The following ZNF620 variants were observed in gnomAD, a reference collection of about 807,000 sequenced individuals.
ZNF620 encodes the protein zinc finger protein 620.
ZNF620 carries 10 observed loss-of-function variants against 13.3 expected under a neutral mutation model. That is an observed-to-expected ratio of 0.75 (90% CI 0.46 to 1.28). The LOEUF is 1.28. ZNF620 is among the 50% of genes most tolerant of loss of function. The probability of loss-of-function intolerance (pLI) is 0.00; values close to 1 mark genes in which losing one functional copy is unlikely to be tolerated. For synonymous variants in ZNF620, 166 were observed against 177.6 expected (o/e 0.93, Z 0.52); for missense variants, 461 against 500.2 (o/e 0.92, Z 0.75).
chr3:40,514,179 C>T (rs532355909), intron 4 of ZNF620, among the ~76,000 whole-genome samples: 7 of 152,296 alleles, frequency 4.6e-5, no homozygotes, highest in African/African-American at 7.2e-5. Flanking sequence ...TCAGTGGTCA[C>T]GCTCCTGGTC....
chr3:40,513,267 C>T (rs1416169670), intron 4 of ZNF620, among the ~76,000 whole-genome samples: 2 of 139,826 alleles, frequency 1.4e-5, no homozygotes, highest in Admixed American at 1.5e-4. Context: ...GAGTTCAAGA[C>T]CAGCTTGGCC....
At position 40,506,114 on chromosome 3, in the gene ZNF620, C is replaced by A; in HGVS notation, c.-74C>A. ...CCTGCGCCGCGCGGGATTCGCGGTC[C>A]GAGCTGAAGAGGTTCGCGGTCCGGG... On this transcript the variant is annotated 5_prime_UTR_variant, in exon 1 of 5. Coordinates refer to ENST00000314529, the MANE Select transcript of ZNF620 (RefSeq NM_175888.4). 2 of 591,384 alleles carry A rather than the reference C, an allele frequency of 3.4e-6. No homozygotes were observed. Among genetic ancestry groups the A allele is most frequent in the Admixed American group, 5.8e-5 (2 of 34,736 alleles). The allele number at this position is 591,384 out of a possible 1,614,324, so 36.6% of individuals were successfully genotyped here.
intron 2 of ZNF620, among the ~76,000 whole-genome samples, chr3:40,508,239 G>C (rs1698090498): frequency 6.6e-6 from 1 of 150,860 alleles, no homozygotes; most frequent in Non-Finnish European, 1.5e-5. Flanking sequence ...TGTTAAATTT[G>C]CTATTCTTTT....
rs914114573 is a variant in ZNF620 at position 40,516,987 on chromosome 3, T to A, written c.*124T>A. 2 of 1,112,044 alleles carry A rather than the reference T, an allele frequency of 1.8e-6. No individual in the cohort carries two copies. Among genetic ancestry groups the A allele is most frequent in the Admixed American group, 2.9e-5 (1 of 34,656 alleles). The allele number at this position is 1,112,044 out of a possible 1,614,324, so 68.9% of individuals were successfully genotyped here. The stretch of plus-strand genomic sequence containing the variant: ...CTTTCATCATGAACTCTTCTTTAAG[T>A]TTTTTGAACCTGTTTCCCCAACATG... On this transcript the variant is annotated 3_prime_UTR_variant, in exon 5 of 5. Coordinates refer to ENST00000314529, the MANE Select transcript of ZNF620 (RefSeq NM_175888.4).
At position 40,512,260 on chromosome 3, in the gene ZNF620, C is replaced by T. The variant is rs189383605; in HGVS notation, c.152-142C>T. 1.1e-4 allele frequency: 81 copies of T among 717,674 alleles called. No homozygotes were observed. The East Asian group carries it at 1.7e-3, about 15-fold the overall frequency. 44.5% of individuals were successfully genotyped at this position (717,674 alleles called of 1,614,324 possible). ...GTGCCACTTTGTGGGAAATTTCTGT[C>T]CTCCAGCAGCATAGATTAAGTTTCT... On this transcript the variant is annotated intron_variant, in intron 3 of 4. Coordinates refer to ENST00000314529, the MANE Select transcript of ZNF620 (RefSeq NM_175888.4).
rs561016998 is a variant in ZNF620, at chr3:40,509,443, G to T, written c.25-2027G>T. Among the ~76,000 whole-genome samples, 7 of 152,036 alleles carry T rather than the reference G, an allele frequency of 4.6e-5. 1 individual carries two copies. The highest frequency in any genetic ancestry group is 1.0e-4 in the Non-Finnish European group (7 of 68,010). On this transcript the variant is annotated intron_variant, in intron 2 of 4. Transcript: ENST00000314529. ...GATGGAGTTTCATCATGTTGGCCAG[G>T]CTGGTCTCGAACTCTTGGCCTCGAG... is the stretch of plus-strand genomic sequence containing the variant.
intron 2 of ZNF620, among the ~76,000 whole-genome samples, chr3:40,509,989 G>A (rs1275598157): frequency 6.6e-6 from 1 of 151,488 alleles, no homozygotes; most frequent in African/African-American, 2.4e-5. Flanking sequence ...TCCAGCCCCT[G>A]TGATTCCACC....
chr3:40,516,332 C>T lies in ZNF620; in HGVS notation c.738C>T (p.His246=), dbSNP rs1423284977. The T allele has an allele frequency of 6.2e-7, 1 of 1,614,222 alleles. No homozygotes were observed. The highest frequency in any genetic ancestry group is 8.5e-7 in the Non-Finnish European group (1 of 1,180,034). The change falls in exon 5 of 5, where the codon CAC becomes CAT. Residue 246 remains histidine (H), a synonymous_variant. Transcript: ENST00000314529. The part of the protein sequence containing the change: ...NSLLIRHQII[H]TGKKPFKCKE... ...TACTTATTCGGCATCAGATAATTCA[C>T]ACTGGAAAGAAACCATTTAAATGTA...
At chr3:40,512,354 T>A (rs775889694) in intron 3 of ZNF620, 48 bp from the exon 4 acceptor site, 11 of 1,525,416 alleles carry the variant, frequency 7.2e-6, no homozygotes, top group Non-Finnish European at 9.1e-6. Flanking sequence ...AAGAGGATCC[T>A]GGTTCCTGAT....
Position 40,518,437 on chromosome 3 carries a change from T to C in ZNF620, c.*1574T>C, listed in dbSNP as rs1698445823. 1 of 152,144 alleles carries C rather than the reference T, an allele frequency of 6.6e-6. No homozygotes were observed. Among genetic ancestry groups the C allele is most frequent in the African/African-American group, 2.4e-5 (1 of 41,430 alleles). The allele number at this position is 152,144 out of a possible 1,614,324, so 9.4% of individuals were successfully genotyped here. A position where few individuals can be genotyped will look rare whatever the true frequency, so the allele number is the denominator to read the frequency against. On this transcript the variant is annotated 3_prime_UTR_variant, in exon 5 of 5. Transcript: ENST00000314529. ...ACAGTGACTACATATAATAAAAGTA[T>C]TACCTATTATTGGCCGGGCACAGTG... is the stretch of plus-strand genomic sequence containing the variant.
intron 4 of ZNF620, 44 bp from the exon 5 acceptor site, chr3:40,515,816 G>GGTA: frequency 7.3e-7 from 1 of 1,365,288 alleles, no homozygotes; most frequent in African/African-American, 1.5e-5. Context: ...GTGTGTGTGT[G>GGTA]TGTGATATCA....
Position 40,518,280 on chromosome 3 carries a change from G to A in ZNF620, c.*1417G>A, listed in dbSNP as rs891877087. On this transcript the variant is annotated 3_prime_UTR_variant, in exon 5 of 5. Coordinates refer to ENST00000314529, the MANE Select transcript of ZNF620 (RefSeq NM_175888.4). The stretch of plus-strand genomic sequence containing the variant: ...CAGAGCCAGGCAGACTTTGGTTTGA[G>A]TCCAGGTGTTTGTCCTTGGTTAAGT... 3.9e-5 allele frequency: 6 copies of A among 152,220 alleles called. No homozygotes were observed. The highest frequency in any genetic ancestry group is 1.4e-4 in the African/African-American group (6 of 41,452). The allele number at this position is 152,220 out of a possible 1,614,324, so 9.4% of individuals were successfully genotyped here. A position where few individuals can be genotyped will look rare whatever the true frequency, so the allele number is the denominator to read the frequency against.
At chr3:40,513,316 A>ATAT (rs1553657106) in intron 4 of ZNF620, among the ~76,000 whole-genome samples, 194 of 62,422 alleles carry the variant, frequency 3.1e-3, no homozygotes, top group Non-Finnish European at 4.2e-3. Context: ...AAAAAAAAAA[A>ATAT]ATATATATAT....
Position 40,512,306 on chromosome 3 carries a change from C to T in ZNF620, c.152-96C>T, listed in dbSNP as rs570176221. On this transcript the variant is annotated intron_variant, in intron 3 of 4. Coordinates refer to ENST00000314529, the MANE Select transcript of ZNF620 (RefSeq NM_175888.4). Reference sequence around the variant, plus strand: ...TTTCTCCCTGACTCACCTTGTCTCTCACTACCTGGCTCAGCAGATAAAGAT... The same window carrying T: ...TTTCTCCCTGACTCACCTTGTCTCTTACTACCTGGCTCAGCAGATAAAGAT... 18 of 1,017,748 alleles carry T rather than the reference C, an allele frequency of 1.8e-5. No individual in the cohort carries two copies. In the South Asian group the frequency reaches 1.9e-4, roughly 11 times the overall value. 63.0% of individuals were successfully genotyped at this position (1,017,748 alleles called of 1,614,324 possible).
intron 1 of ZNF620, 38 bp from the exon 2 acceptor site, chr3:40,506,266 G>A: frequency 6.5e-7 from 1 of 1,550,310 alleles, no homozygotes; most frequent in African/African-American, 1.4e-5. Flanking sequence ...GTGCGAGGCA[G>A]CATCAATCTC....
Position 40,518,365 on chromosome 3 carries a change from T to C in ZNF620, c.*1502T>C, listed in dbSNP as rs1360477880. ...TGAGGATGACAGTTAATCTACCTCA[T>C]AGGTTTGTGTTGGGGATTAAATGCA... On this transcript the variant is annotated 3_prime_UTR_variant, in exon 5 of 5. Transcript: ENST00000314529. 6.6e-6 allele frequency: 1 copy of C among 152,216 alleles called. No homozygotes were observed. The highest frequency in any genetic ancestry group is 1.5e-5 in the Non-Finnish European group (1 of 68,042). 9.4% of individuals were successfully genotyped at this position (152,216 alleles called of 1,614,324 possible).
intron 2 of ZNF620, chr3:40,508,830 C>T: frequency 2.2e-6 from 1 of 455,926 alleles, no homozygotes; most frequent in Non-Finnish European, 4.4e-6. Flanking sequence ...GTTGCCTAGG[C>T]TCTTCTCAAA....
rs751452861 is a variant in ZNF620 at position 40,515,869 on chromosome 3, C to T, written c.275C>T (p.Ala92Val). The T allele has an allele frequency of 1.2e-6, 2 of 1,606,604 alleles. No individual in the cohort carries two copies. Among genetic ancestry groups the T allele is most frequent in the South Asian group, 1.1e-5 (1 of 90,224 alleles). ...TTTCTTTTTGTGATAGGGGATGAGG[C>T]CAGAACTGAGAAGGAAGGATTAACT... ...ALRGICPGDE[A>V]RTEKEGLTPK... is the part of the protein sequence containing the mutation. Residue 92 changes from alanine to valine, a missense_variant, in exon 5 of 5, where the codon GCC (alanine) becomes GTC (valine). Coordinates refer to ENST00000314529, the MANE Select transcript of ZNF620 (RefSeq NM_175888.4).
At position 40,516,855 on chromosome 3, in the gene ZNF620, C is replaced by T; in HGVS notation, c.1261C>T (p.Gln421Ter). The T allele has an allele frequency of 1.9e-6, 3 of 1,605,140 alleles. No individual in the cohort carries two copies. Among genetic ancestry groups the T allele is most frequent in the Non-Finnish European group, 2.6e-6 (3 of 1,174,256 alleles). ...ACTACACACTCAGAAGACACCTGTC[C>T]AAGCATAGGGCTATCCATAGTTAGG... ...QKLHTQKTPV[Q>*]A Residue 421 changes from glutamine (Q) to a stop codon, truncating the protein, a stop_gained, in exon 5 of 5, where the codon CAA becomes TAA. Coordinates refer to ENST00000314529, the MANE Select transcript of ZNF620 (RefSeq NM_175888.4). LOFTEE classifies it high-confidence loss of function.
Sources: gnomAD v4.1 joint callset for allele counts (sites outside exome capture counted in the v4.1 genomes callset) on GRCh38, gnomAD v4.1.1 for gene constraint, MANE v1.5 for transcripts, NCBI Gene and HGNC (gene_info 2026-07-23, HGNC 2026-07-21) for gene names.